The following MAGI1 variants were observed in gnomAD, a reference collection of about 807,000 sequenced individuals.
MAGI1 encodes the protein membrane-associated guanylate kinase, WW and PDZ domain-containing protein 1.
A neutral mutation model predicts 139.9 loss-of-function variants in MAGI1; 58 were observed. That is an observed-to-expected ratio of 0.41 (90% CI 0.34 to 0.52). The LOEUF is 0.52. MAGI1 is among the 20% of genes least tolerant of loss of function. The pLI, the probability that MAGI1 is intolerant of heterozygous loss-of-function variation, is 0.12. For synonymous variants in MAGI1, 812 were observed against 737.9 expected (o/e 1.10, Z -1.63); for missense variants, 1,874 against 1,901.6 (o/e 0.99, Z 0.27).
At chr3:65,674,588 T>TCA (rs2087067428) in intron 1 of MAGI1, among the ~76,000 whole-genome samples, 1 of 152,194 alleles carries the variant, frequency 6.6e-6, no homozygotes, top group Admixed American at 6.5e-5. Flanking sequence ...CTTTATGTTC[T>TCA]CAGACAGTTT....
chr3:65,657,972 G>C (rs1380271746), intron 1 of MAGI1, among the ~76,000 whole-genome samples: 1 of 152,148 alleles, frequency 6.6e-6, no homozygotes, highest in Non-Finnish European at 1.5e-5. Flanking sequence ...GTGTGAAATG[G>C]TTTGCACAAT....
intron 2 of MAGI1, among the ~76,000 whole-genome samples, chr3:65,612,219 T>C (rs1191656476): frequency 8.5e-5 from 13 of 152,198 alleles, no homozygotes; most frequent in East Asian, 1.9e-4. Flanking sequence ...TTGATTTTCC[T>C]TTTATAGAAA....
Position 66,032,927 on chromosome 3 carries a change from A to C in MAGI1, c.313+5069T>G, listed in dbSNP as rs58616779. Among the ~76,000 whole-genome samples, 244 of 119,534 alleles carry C rather than the reference A, an allele frequency of 2.0e-3. 1 individual carries two copies. The highest frequency in any genetic ancestry group is 7.7e-3 in the Middle Eastern group (2 of 260). The allele number at this position is 119,534 out of a possible 152,430, so 78.4% of individuals were successfully genotyped here. On this transcript the variant is annotated intron_variant, in intron 1 of 22. Coordinates refer to ENST00000402939, the MANE Select transcript of MAGI1 (RefSeq NM_001033057.2). Reference sequence around the variant, plus strand: ...GAAACTCCATCTCAAAAAAAAAAAAAAAAAAAACAACAACAACAACAACAG... The same window carrying C: ...GAAACTCCATCTCAAAAAAAAAAAACAAAAAAACAACAACAACAACAACAG...
chr3:65,749,641 A>G (rs2035977718), intron 1 of MAGI1, among the ~76,000 whole-genome samples: 1 of 151,860 alleles, frequency 6.6e-6, no homozygotes, highest in Admixed American at 6.6e-5. Context: ...TCATGTAACC[A>G]AATACCATCT....
At chr3:66,026,161 C>T (rs575715641) in intron 1 of MAGI1, among the ~76,000 whole-genome samples, 6 of 152,114 alleles carry the variant, frequency 3.9e-5, no homozygotes, top group African/African-American at 1.4e-4. Context: ...AATTCTAACG[C>T]TTGGCCAAGA....
rs555123461 is a variant in MAGI1 at position 65,757,551 on chromosome 3, T to C, written c.314-135463A>G. ...TACTTGGGAGGCTAAGGCAGGAGAA[T>C]TGCTTGAACCCAGGAGGCAGAGGTT... On this transcript the variant is annotated intron_variant, in intron 1 of 22. Coordinates refer to ENST00000402939, the MANE Select transcript of MAGI1 (RefSeq NM_001033057.2). Among the ~76,000 whole-genome samples the C allele has an allele frequency of 4.6e-5, 7 of 152,268 alleles. No homozygotes were observed. The East Asian group carries it at 9.7e-4, about 21-fold the overall frequency.
At chr3:65,515,179 G>T (rs1454299791) in intron 2 of MAGI1, among the ~76,000 whole-genome samples, 41 of 115,808 alleles carry the variant, frequency 3.5e-4, no homozygotes, top group Non-Finnish European at 1.7e-5. Context: ...GGAGGGGGGA[G>T]GGATAGCATT....
intron 1 of MAGI1, among the ~76,000 whole-genome samples, chr3:66,003,611 C>T (rs920182917): frequency 2.0e-5 from 3 of 151,990 alleles, no homozygotes; most frequent in Admixed American, 6.6e-5. Flanking sequence ...ACACACACCA[C>T]AACACCCAGT....
intron 1 of MAGI1, among the ~76,000 whole-genome samples, chr3:65,667,431 C>T (rs1205916328): frequency 6.6e-6 from 1 of 152,188 alleles, no homozygotes; most frequent in African/African-American, 2.4e-5. Flanking sequence ...ATCAGAGATG[C>T]TACCGCATGA....
At position 65,800,270 on chromosome 3, in the gene MAGI1, G is replaced by T. The variant is rs191717401; in HGVS notation, c.314-178182C>A. 2.3e-4 allele frequency among the ~76,000 whole-genome samples: 35 copies of T among 152,212 alleles called. No homozygotes were observed. The East Asian group carries it at 4.2e-3, about 18-fold the overall frequency. On this transcript the variant is annotated intron_variant, in intron 1 of 22. Transcript: ENST00000402939. ...TTTTCTTCTTCATCATTAATTTGTG[G>T]TTCTTACATTTAAAGGTGTCAGGGT...
At position 65,712,171 on chromosome 3, in the gene MAGI1, T is replaced by C. The variant is rs1042046873; in HGVS notation, c.314-90083A>G. ...TTCTCTTTAATTTGGGCTCTTAGAC[T>C]TGACCCACAGAATATGACAGAAGTG... On this transcript the variant is annotated intron_variant, in intron 1 of 22. Transcript: ENST00000402939. 2.0e-5 allele frequency among the ~76,000 whole-genome samples: 3 copies of C among 152,128 alleles called. No individual in the cohort carries two copies. The East Asian group carries it at 5.8e-4, about 29-fold the overall frequency.
intron 1 of MAGI1, among the ~76,000 whole-genome samples, chr3:65,778,429 T>TAAAAAAAAA (rs2038648233): frequency 4.5e-5 from 1 of 22,120 alleles, no homozygotes. Context: ...AAACTCTGTC[T>TAAAAAAAAA]CAAAAAAAAA....
chr3:65,809,508 G>T (rs2041085769), intron 1 of MAGI1, among the ~76,000 whole-genome samples: 1 of 152,156 alleles, frequency 6.6e-6, no homozygotes, highest in African/African-American at 2.4e-5. Flanking sequence ...AATGGGGTGG[G>T]AAAGAACAAT....
intron 1 of MAGI1, among the ~76,000 whole-genome samples, chr3:65,994,756 C>T (rs2066352420): frequency 6.6e-6 from 1 of 152,174 alleles, no homozygotes; most frequent in African/African-American, 2.4e-5. Context: ...ACTTCTACCA[C>T]ACTCTTAAAG....
intron 1 of MAGI1, among the ~76,000 whole-genome samples, chr3:65,877,180 C>G (rs1402057920): frequency 6.6e-6 from 1 of 152,150 alleles, no homozygotes. Context: ...CTTATGGGAC[C>G]TTTTCCCATA....
At chr3:65,395,117 C>T (rs1944278317) in intron 13 of MAGI1, among the ~76,000 whole-genome samples, 1 of 152,044 alleles carries the variant, frequency 6.6e-6, no homozygotes, top group African/African-American at 2.4e-5. Flanking sequence ...TTCACTTAAC[C>T]CAATAAATAC....
chr3:65,959,037 G>C (rs1474857369), intron 1 of MAGI1, among the ~76,000 whole-genome samples: 1 of 151,130 alleles, frequency 6.6e-6, no homozygotes, highest in Admixed American at 6.6e-5. Context: ...GTCCAGAGTA[G>C]AAAGAATTGT....
intron 1 of MAGI1, among the ~76,000 whole-genome samples, chr3:65,697,081 G>A (rs2089264215): frequency 6.6e-6 from 1 of 152,076 alleles, no homozygotes; most frequent in African/African-American, 2.4e-5. Flanking sequence ...TACCATCAGA[G>A]AATACTACAA....
intron 1 of MAGI1, among the ~76,000 whole-genome samples, chr3:65,855,691 A>C (rs2059357806): frequency 1.4e-5 from 2 of 140,346 alleles, no homozygotes; most frequent in African/African-American, 5.4e-5. Flanking sequence ...AAAGAAAAGA[A>C]AACATAATTA....
Sources: allele counts gnomAD v4.1 joint callset (sites outside exome capture counted in the v4.1 genomes callset), GRCh38; gene constraint gnomAD v4.1.1; transcripts MANE v1.5; gene names NCBI Gene and HGNC (gene_info 2026-07-23, HGNC 2026-07-21).